ZBTB1: variants seen among roughly 807,000 people sequenced by gnomAD.
ZBTB1 encodes the protein zinc finger and BTB domain-containing protein 1.
A neutral mutation model predicts 51.6 loss-of-function variants in ZBTB1; 13 were observed. The ratio of observed to expected loss-of-function variants is 0.25; its 90% CI spans 0.16 to 0.40. The LOEUF (loss-of-function observed/expected upper bound fraction) is 0.40. Ranked by LOEUF, ZBTB1 falls within the 10% of genes least tolerant of loss-of-function variation. The pLI, the probability that ZBTB1 is intolerant of heterozygous loss-of-function variation, is 1.00. For missense variants in ZBTB1, 567 were observed against 856.5 expected (o/e 0.66, Z 4.22); for synonymous variants, 240 against 282.2 (o/e 0.85, Z 1.50).
intron 1 of ZBTB1, chr14:64,514,022 G>A (rs1287473436): frequency 1.3e-5 from 2 of 152,144 alleles, no homozygotes; most frequent in Admixed American, 6.6e-5. Context: ...CTCATATACA[G>A]TTATCTCTAT....
intron 1 of ZBTB1, among the ~76,000 whole-genome samples, chr14:64,515,798 C>T (rs1240029973): frequency 1.3e-5 from 2 of 152,144 alleles, no homozygotes. Context: ...GGATTACAGG[C>T]GTGAGCCACG....
chr14:64,529,864 T>C (rs1353016491), downstream of ZBTB1, among the ~76,000 whole-genome samples: 1 of 152,212 alleles, frequency 6.6e-6, no homozygotes, highest in Non-Finnish European at 1.5e-5. Flanking sequence ...TTGATTAAGA[T>C]TTATAGAGCA....
chr14:64,522,386 T>C lies in ZBTB1; in HGVS notation c.882T>C (p.Asp294=). Residue 294 remains aspartate (D), a synonymous_variant, in exon 2 of 2, where the codon GAT becomes GAC. Transcript: ENST00000683701. ...GAGACACAAGCCAGGCTGCTGATGA[T>C]TCAGCTTCAACCACTGGAAGCAGAA... ...YRGDTSQAAD[D]SASTTGSRKS... 6.2e-7 allele frequency: 1 copy of C among 1,614,142 alleles called. No homozygotes were observed. The highest frequency in any genetic ancestry group is 1.1e-5 in the South Asian group (1 of 91,064).
intron 1 of ZBTB1, among the ~76,000 whole-genome samples, chr14:64,511,086 GA>G (rs1337936058): frequency 6.6e-6 from 1 of 152,204 alleles, no homozygotes; most frequent in Admixed American, 6.5e-5. Context: ...AAAATACAGG[GA>G]GGGGCATTTT....
At chr14:64,507,595 C>T (rs1289343352) in intron 1 of ZBTB1, among the ~76,000 whole-genome samples, 3 of 152,184 alleles carry the variant, frequency 2.0e-5, no homozygotes, top group Admixed American at 6.5e-5. Context: ...CTCATGTTCT[C>T]TGTTCACATT....
downstream of ZBTB1, among the ~76,000 whole-genome samples, chr14:64,529,776 A>G (rs2079929784): frequency 6.6e-6 from 1 of 152,186 alleles, no homozygotes; most frequent in Admixed American, 6.5e-5. Flanking sequence ...GTCGCAAAAA[A>G]TAAAAACAAA....
At chr14:64,511,378 T>C (rs2079722527) in intron 1 of ZBTB1, 1 of 152,246 alleles carries the variant, frequency 6.6e-6, no homozygotes, top group Non-Finnish European at 1.5e-5. Context: ...TTCTGCTTTC[T>C]GTGTGGGTAA....
intron 1 of ZBTB1, among the ~76,000 whole-genome samples, chr14:64,512,469 A>G (rs1329201459): frequency 1.3e-5 from 2 of 152,200 alleles, no homozygotes; most frequent in Non-Finnish European, 2.9e-5. Context: ...TGCTAATGAT[A>G]CAAGTAATAC....
At chr14:64,513,767 T>TTCC (rs908496390) in intron 1 of ZBTB1, among the ~76,000 whole-genome samples, 3 of 152,224 alleles carry the variant, frequency 2.0e-5, no homozygotes, top group Admixed American at 2.0e-4. Flanking sequence ...TTCAAGCGAT[T>TTCC]CTCCTGCCTC....
In ZBTB1 at chr14:64,524,863, G is replaced by A; in HGVS notation, c.*1217G>A. ...TTCAGTTAAAGTAGTAGTATTGTTAGTTGTTGCTGACACAGGGTCTACATA... is the reference window on the plus strand; with the variant it reads ...TTCAGTTAAAGTAGTAGTATTGTTAATTGTTGCTGACACAGGGTCTACATA... On this transcript the variant is annotated 3_prime_UTR_variant, in exon 2 of 2. Coordinates refer to ENST00000683701, the MANE Select transcript of ZBTB1 (RefSeq NM_001123329.2). 2 of 985,290 alleles carry A rather than the reference G, an allele frequency of 2.0e-6. No individual in the cohort carries two copies. The highest frequency in any genetic ancestry group is 2.4e-6 in the Non-Finnish European group (2 of 829,854). 61.0% of individuals were successfully genotyped at this position (985,290 alleles called of 1,614,324 possible). A position where few individuals can be genotyped will look rare whatever the true frequency, so the allele number is the denominator to read the frequency against.
At chr14:64,531,976 G>A in exon 3 of ZBTB1, 2 of 1,523,336 alleles carry the variant, frequency 1.3e-6, no homozygotes, top group Non-Finnish European at 1.8e-6. Flanking sequence ...AGGAATATCA[G>A]ATCTGAAGTG....
At chr14:64,516,788 A>T (rs772207325) in intron 1 of ZBTB1, 2 of 152,274 alleles carry the variant, frequency 1.3e-5, no homozygotes, top group Non-Finnish European at 2.9e-5. Flanking sequence ...ATAAATGTGC[A>T]TTAAAATGCT....
intron 1 of ZBTB1, among the ~76,000 whole-genome samples, chr14:64,510,100 C>A (rs1384388755): frequency 6.6e-6 from 1 of 152,134 alleles, no homozygotes; most frequent in Non-Finnish European, 1.5e-5. Context: ...ACTTAATATT[C>A]CAGAGAAATG....
chr14:64,516,473 G>GCATTTGTTCAGCTTC (rs1361951242), intron 1 of ZBTB1: 4 of 152,346 alleles, frequency 2.6e-5, no homozygotes, highest in African/African-American at 7.2e-5. Flanking sequence ...ATTAGACACA[G>GCATTTGTTCAGCTTC]CATTTGTTCA....
chr14:64,504,506 G>A (rs575467818), upstream of ZBTB1: 11 of 165,062 alleles, frequency 6.7e-5, no homozygotes, highest in South Asian at 1.6e-3. Flanking sequence ...GGGCAAGAGG[G>A]GTGGTCAAGC....
At chr14:64,511,385 G>T (rs1324889110) in intron 1 of ZBTB1, 1 of 152,132 alleles carries the variant, frequency 6.6e-6, no homozygotes, top group Non-Finnish European at 1.5e-5. Flanking sequence ...TTCTGTGTGG[G>T]TAAGTTCATT....
intron 1 of ZBTB1, chr14:64,516,901 T>C (rs2079792421): frequency 6.6e-6 from 1 of 152,234 alleles, no homozygotes; most frequent in Admixed American, 6.5e-5. Flanking sequence ...GCCTATCATA[T>C]TGATCTTCTA....
exon 3 of ZBTB1, chr14:64,531,993 T>C: frequency 7.0e-7 from 1 of 1,425,788 alleles, no homozygotes; most frequent in Non-Finnish European, 9.5e-7. Context: ...AGTGGCACCA[T>C]CTTTTCTGTC....
chr14:64,505,111 G>A (rs1050877631), intron 1 of ZBTB1, 165 bp downstream of exon 1: 12 of 348,920 alleles, frequency 3.4e-5, no homozygotes, highest in Admixed American at 2.4e-4. Flanking sequence ...CGGCTGCCAG[G>A]CCGCCTGCTT....
Sources: allele counts gnomAD v4.1 joint callset (sites outside exome capture counted in the v4.1 genomes callset), GRCh38; gene constraint gnomAD v4.1.1; transcripts MANE v1.5; gene names NCBI Gene and HGNC (gene_info 2026-07-23, HGNC 2026-07-21).